DNAH17: variants seen among roughly 807,000 people sequenced by gnomAD.
DNAH17 encodes the protein dynein axonemal heavy chain 17.
DNAH17 carries 376 observed loss-of-function variants against 485.6 expected under a neutral mutation model. The ratio of observed to expected loss-of-function variants is 0.77; its 90% CI spans 0.71 to 0.84. DNAH17 has a LOEUF of 0.84. Among genes scored for constraint, DNAH17 ranks in the 40% least tolerant of loss-of-function variants. The pLI is 0.00. For missense variants in DNAH17, 6,370 were observed against 5,839.3 expected, an observed-to-expected ratio of 1.09 and a Z score of -2.96; for synonymous variants, 3,031 against 2,405.9, an observed-to-expected ratio of 1.26 and a Z score of -7.60.
intron 74 of DNAH17, among the ~76,000 whole-genome samples, chr17:78,435,377 G>C (rs1348624061): frequency 2.0e-5 from 3 of 152,120 alleles, no homozygotes; most frequent in Non-Finnish European, 4.4e-5. Context: ...CTTCCTGTGG[G>C]CCCTTGTTTT....
Position 78,494,661 on chromosome 17 carries a change from T to C in DNAH17, c.6202A>G (p.Met2068Val), listed in dbSNP as rs1237529097. Reference protein sequence around the residue: ...KIVTDDLPVFMGLIGDLFPAL... With the variant: ...KIVTDDLPVFVGLIGDLFPAL... ...GGGAAGAGGTCCCCGATCAGTCCCATGAATACGGGCAGGTCGTCTGTCACA... is the reference window on the plus strand; with the variant it reads ...GGGAAGAGGTCCCCGATCAGTCCCACGAATACGGGCAGGTCGTCTGTCACA... Residue 2068 changes from methionine (M) to valine (V), a missense_variant, in exon 40 of 81, where the codon ATG becomes GTG. By Grantham distance (21) the Met-to-Val change is conservative. Transcript: ENST00000389840. The C allele has an allele frequency of 2.2e-5, 35 of 1,613,856 alleles. No homozygotes were observed. The highest frequency in any genetic ancestry group is 2.8e-5 in the Non-Finnish European group (33 of 1,179,896).
chr17:78,464,350 C>T (rs1392245635), intron 56 of DNAH17, among the ~76,000 whole-genome samples: 1 of 152,202 alleles, frequency 6.6e-6, no homozygotes, highest in Admixed American at 6.5e-5. Flanking sequence ...ACTTCCGCCT[C>T]CCGGGTTCAA....
At position 78,476,041 on chromosome 17, in the gene DNAH17, G is replaced by GT. The variant is rs1308547205; in HGVS notation, c.8155-209dup. ...AGAGTGGGAGGGTCTGATCCCCACT[G>GT]TATCAGAAATGAATTCATAGTCCAA... On this transcript the variant is annotated intron_variant, in intron 52 of 80. Transcript: ENST00000389840. Among the ~76,000 whole-genome samples the GT allele has an allele frequency of 4.6e-5, 7 of 152,096 alleles. No homozygotes were observed. In the East Asian group the frequency reaches 1.2e-3, roughly 25 times the overall value.
intron 36 of DNAH17, chr17:78,499,893 G>T: frequency 6.2e-6 from 1 of 162,046 alleles, no homozygotes; most frequent in South Asian, 1.7e-4. Context: ...ACGATGTCCT[G>T]TGCAGGCTCT....
At chr17:78,557,992 A>G in intron 14 of DNAH17, 116 bp downstream of exon 14, 2 of 1,259,252 alleles carry the variant, frequency 1.6e-6, no homozygotes, top group South Asian at 3.1e-5. Context: ...AATGAATTTG[A>G]GTGAATGGGA....
Position 78,545,186 on chromosome 17 carries a change from A to G in DNAH17, c.2392-1189T>C, listed in dbSNP as rs532651175. ...CTGGCCAGTGTTTGATATTTACGTG[A>G]GTACTTATAGTTTTTCTACTGATGC... On this transcript the variant is annotated intron_variant, in intron 16 of 80. Transcript: ENST00000389840. Among the ~76,000 whole-genome samples the G allele has an allele frequency of 5.3e-5, 8 of 152,318 alleles. No individual in the cohort carries two copies. The South Asian group carries it at 1.7e-3, about 32-fold the overall frequency.
At position 78,537,220 on chromosome 17, in the gene DNAH17, T is replaced by C; in HGVS notation, c.2859+79A>G. On this transcript the variant is annotated intron_variant, in intron 19 of 80. Coordinates refer to ENST00000389840, the MANE Select transcript of DNAH17 (RefSeq NM_173628.4). The stretch of plus-strand genomic sequence containing the variant: ...AAAAGAAAAGGTAAACGGCGAAGCC[T>C]TGCCGAGTTAGGGCGGCAACACCAA... 3.5e-6 allele frequency: 5 copies of C among 1,423,480 alleles called. No homozygotes were observed. In the East Asian group the frequency reaches 1.3e-4, roughly 36 times the overall value. The allele number at this position is 1,423,480 out of a possible 1,614,324, so 88.2% of individuals were successfully genotyped here.
chr17:78,573,953 C>A, intron 2 of DNAH17, among the ~76,000 whole-genome samples: 1 of 152,140 alleles, frequency 6.6e-6, no homozygotes, highest in East Asian at 1.9e-4. Context: ...CTACACAGCA[C>A]CTGCCAAGGG....
intron 65 of DNAH17, among the ~76,000 whole-genome samples, chr17:78,452,567 G>C (rs140203201): frequency 1.3e-5 from 2 of 152,222 alleles, no homozygotes; most frequent in East Asian, 3.9e-4. Flanking sequence ...GGGAAACCCC[G>C]TCTCTACTAA....
At chr17:78,543,111 A>G (rs564265460) in intron 17 of DNAH17, among the ~76,000 whole-genome samples, 53 of 106,634 alleles carry the variant, frequency 5.0e-4, no homozygotes, top group African/African-American at 2.4e-3. Context: ...ATTAAAGATC[A>G]TAGGTTTTGT....
At chr17:78,514,147 C>T (rs897465023) in intron 26 of DNAH17, among the ~76,000 whole-genome samples, 1 of 152,138 alleles carries the variant, frequency 6.6e-6, no homozygotes, top group Admixed American at 6.5e-5. Flanking sequence ...CAACCTACAA[C>T]CAGAACGGCC....
chr17:78,534,976 C>T (rs548258440), intron 19 of DNAH17, among the ~76,000 whole-genome samples: 1 of 152,310 alleles, frequency 6.6e-6, no homozygotes, highest in African/African-American at 2.4e-5. Context: ...AGTCTAGATG[C>T]CTGACTCTCT....
intron 74 of DNAH17, among the ~76,000 whole-genome samples, chr17:78,436,844 C>CCAAACAAACAAACAAACAAA (rs56360405): frequency 6.7e-6 from 1 of 150,272 alleles, no homozygotes; most frequent in African/African-American, 2.5e-5. Flanking sequence ...GACTCCATCT[C>CCAAACAAACAAACAAACAAA]CAAACAAACA....
At chr17:78,429,840 C>T (rs776364804) in intron 75 of DNAH17, among the ~76,000 whole-genome samples, 13 of 152,212 alleles carry the variant, frequency 8.5e-5, no homozygotes, top group Non-Finnish European at 4.4e-5. Context: ...AGTCTCCCTT[C>T]CACCCTGTGG....
rs1435842643 is a variant in DNAH17, at chr17:78,566,733, A to G, written c.1453-3T>C. ...TCAGCATAATCACGGTCAAAATTCTAAAAGCAAATGGAAATGTCAACCTTG... is the reference window on the plus strand; with the variant it reads ...TCAGCATAATCACGGTCAAAATTCTGAAAGCAAATGGAAATGTCAACCTTG... On this transcript the variant is annotated splice_region_variant and splice_polypyrimidine_tract_variant and intron_variant, in intron 10 of 80. Coordinates refer to ENST00000389840, the MANE Select transcript of DNAH17 (RefSeq NM_173628.4). 6.3e-7 allele frequency: 1 copy of G among 1,590,140 alleles called. No individual in the cohort carries two copies. Among genetic ancestry groups the G allele is most frequent in the South Asian group, 1.1e-5 (1 of 87,560 alleles).
chr17:78,562,490 T>G (rs2092178414), intron 11 of DNAH17, among the ~76,000 whole-genome samples: 1 of 152,040 alleles, frequency 6.6e-6, no homozygotes, highest in African/African-American at 2.4e-5. Context: ...TTCTTTTGGG[T>G]GTGCGCTTAT....
chr17:78,552,223 A>G (rs2091917773), intron 15 of DNAH17, among the ~76,000 whole-genome samples: 1 of 152,152 alleles, frequency 6.6e-6, no homozygotes, highest in Non-Finnish European at 1.5e-5. Context: ...CACCTCTGGG[A>G]GCATCAGAGA....
chr17:78,465,989 G>C (rs2088430140), intron 56 of DNAH17, among the ~76,000 whole-genome samples: 1 of 152,200 alleles, frequency 6.6e-6, no homozygotes, highest in Non-Finnish European at 1.5e-5. Context: ...GGAATGGAGA[G>C]GCGGGAGGGG....
intron 22 of DNAH17, among the ~76,000 whole-genome samples, chr17:78,529,055 T>C (rs2091156148): frequency 6.6e-6 from 1 of 151,968 alleles, no homozygotes; most frequent in Non-Finnish European, 1.5e-5. Flanking sequence ...GCAATTCTCC[T>C]GCCTCAGCCT....
Sources: allele counts gnomAD v4.1 joint callset (sites outside exome capture counted in the v4.1 genomes callset), GRCh38; gene constraint gnomAD v4.1.1; transcripts MANE v1.5; gene names NCBI Gene and HGNC (gene_info 2026-07-23, HGNC 2026-07-21).